The following SDK1 variants were observed in gnomAD, a reference collection of about 807,000 sequenced individuals.
The protein encoded by SDK1 is protein sidekick-1.
SDK1 carries 157 observed loss-of-function variants against 245.5 expected under a neutral mutation model. The ratio of observed to expected loss-of-function variants is 0.64; its 90% confidence interval spans 0.56 to 0.73. The LOEUF (loss-of-function observed/expected upper bound fraction) is 0.73. Ranked by LOEUF, SDK1 falls within the 30% of genes least tolerant of loss-of-function variation. SDK1 has a pLI of 0.00. For synonymous variants in SDK1, 1,647 were observed against 1,278.5 expected, an observed-to-expected ratio of 1.29 and a Z score of -6.15; for missense variants, 3,583 against 3,002.3, an observed-to-expected ratio of 1.19 and a Z score of -4.52.
chr7:3,835,576 A>G (rs1377567565), intron 5 of SDK1, among the ~76,000 whole-genome samples: 2 of 152,080 alleles, frequency 1.3e-5, no homozygotes, highest in African/African-American at 4.8e-5. Context: ...CTATGTTTTC[A>G]GCTCTTACCT....
intron 20 of SDK1, among the ~76,000 whole-genome samples, chr7:4,072,336 C>T (rs538304688): frequency 3.9e-5 from 6 of 152,318 alleles, no homozygotes; most frequent in African/African-American, 1.4e-4. Flanking sequence ...TGTGTGTGGC[C>T]TGTGTGTTTT....
intron 22 of SDK1, among the ~76,000 whole-genome samples, chr7:4,097,266 T>TCAGGAAGGAG (rs753459796): frequency 6.6e-6 from 1 of 151,902 alleles, no homozygotes; most frequent in African/African-American, 2.4e-5. Flanking sequence ...ACAGCTCCTG[T>TCAGGAAGGAG]ACGGCCAGGG....
intron 40 of SDK1, among the ~76,000 whole-genome samples, chr7:4,223,478 C>T (rs1562453043): frequency 6.6e-6 from 1 of 152,200 alleles, no homozygotes; most frequent in Non-Finnish European, 1.5e-5. Flanking sequence ...TTTCCTGTAA[C>T]CTCTCCCCCA....
intron 1 of SDK1, among the ~76,000 whole-genome samples, chr7:3,413,981 A>G (rs1270882213): frequency 6.6e-6 from 1 of 152,184 alleles, no homozygotes; most frequent in African/African-American, 2.4e-5. Context: ...CTAAAAAATA[A>G]AAAGATAACT....
At chr7:3,864,083 G>C (rs1016402039) in intron 5 of SDK1, among the ~76,000 whole-genome samples, 1 of 151,978 alleles carries the variant, frequency 6.6e-6, no homozygotes, top group South Asian at 2.1e-4. Flanking sequence ...TCATATCCTT[G>C]CCAGCACTTA....
At chr7:4,215,800 G>C (rs974318938) in intron 38 of SDK1, among the ~76,000 whole-genome samples, 2 of 152,166 alleles carry the variant, frequency 1.3e-5, no homozygotes, top group African/African-American at 4.8e-5. Context: ...ACAATAGTCA[G>C]AGTTGGGGTC....
chr7:4,073,175 T>A (rs1253853821), intron 20 of SDK1, among the ~76,000 whole-genome samples: 2 of 152,116 alleles, frequency 1.3e-5, no homozygotes, highest in Non-Finnish European at 1.5e-5. Flanking sequence ...CTCTCCTCTC[T>A]CCTCTGGGAG....
Position 4,245,701 on chromosome 7 carries a change from G to A in SDK1, c.6277G>A (p.Gly2093Ser), listed in dbSNP as rs201495708. 1.4e-5 allele frequency: 22 copies of A among 1,613,900 alleles called. No individual in the cohort carries two copies. Among genetic ancestry groups the A allele is most frequent in the East Asian group, 1.1e-4 (5 of 44,856 alleles). Residue 2093 changes from glycine to serine, a missense_variant, in exon 44 of 45, where the codon GGC becomes AGC. Transcript: ENST00000404826. ...TRSPPRPSPG[G>S]LHYSDEDICN... ...GTCCCCACCCCGGCCTAGCCCCGGCGGCCTGCACTACTCAGACGAGGACAT... is the reference window on the plus strand; with the variant it reads ...GTCCCCACCCCGGCCTAGCCCCGGCAGCCTGCACTACTCAGACGAGGACAT...
chr7:3,660,687 C>T (rs1783323582), intron 4 of SDK1, among the ~76,000 whole-genome samples: 1 of 152,220 alleles, frequency 6.6e-6, no homozygotes, highest in African/African-American at 2.4e-5. Flanking sequence ...ACAACCATAG[C>T]AGCACTAGCT....
Position 3,951,839 on chromosome 7 carries a change from A to G in SDK1, c.1069A>G (p.Thr357Ala). Reference protein sequence around the residue: ...LTISNPTSADTGPYVCEAALP... With the variant: ...LTISNPTSADAGPYVCEAALP... ...CATCAGCAACCCGACGTCCGCGGAC[A>G]CCGGGCCATACGTCTGCGAGGCGGC... Residue 357 changes from threonine to alanine, a missense_variant, in exon 7 of 45, where the codon ACC (threonine) becomes GCC (alanine). Coordinates refer to ENST00000404826, the MANE Select transcript of SDK1 (RefSeq NM_152744.4). 2 of 1,613,804 alleles carry G rather than the reference A, an allele frequency of 1.2e-6. No homozygotes were observed. Among genetic ancestry groups the G allele is most frequent in the South Asian group, 1.1e-5 (1 of 91,062 alleles).
chr7:3,764,852 T>C (rs2114993571), intron 4 of SDK1, among the ~76,000 whole-genome samples: 1 of 152,308 alleles, frequency 6.6e-6, no homozygotes. Flanking sequence ...CAGCTGTCTT[T>C]TATTAAGCTA....
chr7:4,125,966 C>T (rs990123318), intron 25 of SDK1, among the ~76,000 whole-genome samples: 1 of 152,204 alleles, frequency 6.6e-6, no homozygotes, highest in Non-Finnish European at 1.5e-5. Flanking sequence ...CAGGCTATTT[C>T]CCTGGGTATC....
At chr7:3,784,257 A>G (rs1399563799) in intron 4 of SDK1, among the ~76,000 whole-genome samples, 2 of 152,036 alleles carry the variant, frequency 1.3e-5, no homozygotes, top group African/African-American at 2.4e-5. Context: ...TGCCAAGAAT[A>G]TGCAATAAGA....
chr7:3,608,670 G>C (rs1178324922), intron 1 of SDK1, among the ~76,000 whole-genome samples: 1 of 152,202 alleles, frequency 6.6e-6, no homozygotes, highest in Non-Finnish European at 1.5e-5. Context: ...TGGAAGGTCT[G>C]CATCACTCAG....
chr7:3,884,210 C>T (rs1781283279), intron 5 of SDK1, among the ~76,000 whole-genome samples: 1 of 151,926 alleles, frequency 6.6e-6, no homozygotes, highest in Non-Finnish European at 1.5e-5. Context: ...CCTCCGAAAG[C>T]ATGGGGATTA....
rs139897835 is a variant in SDK1, at chr7:3,393,849, T to C, written c.298+91965T>C. Among the ~76,000 whole-genome samples the C allele has an allele frequency of 4.5e-3, 680 of 152,310 alleles. 8 individuals are homozygous for C. The highest frequency in any genetic ancestry group is 0.015 in the African/African-American group (642 of 41,576). On this transcript the variant is annotated intron_variant, in intron 1 of 44. Coordinates refer to ENST00000404826, the MANE Select transcript of SDK1 (RefSeq NM_152744.4). ...TTAAGGATTGTTCACTGTTGTCTTA[T>C]TTAGTTCAGTTTGTGAGGTCGTGTT... is the stretch of plus-strand genomic sequence containing the variant.
chr7:3,454,423 T>TGC (rs1215317986), intron 1 of SDK1, among the ~76,000 whole-genome samples: 27 of 150,154 alleles, frequency 1.8e-4, no homozygotes, highest in African/African-American at 5.7e-4. Context: ...TGTGTGTGTG[T>TGC]GCTGTGTACA....
At chr7:4,042,771 C>T (rs1362038609) in intron 17 of SDK1, among the ~76,000 whole-genome samples, 4 of 152,184 alleles carry the variant, frequency 2.6e-5, no homozygotes, top group Non-Finnish European at 5.9e-5. Context: ...GTTATGTAAC[C>T]CTCAATAATT....
intron 17 of SDK1, among the ~76,000 whole-genome samples, chr7:4,024,941 C>T (rs899739134): frequency 3.3e-5 from 5 of 152,084 alleles, no homozygotes; most frequent in African/African-American, 9.7e-5. Flanking sequence ...CTCACTCTGC[C>T]GCCGTAGAGG....
Sources: allele counts gnomAD v4.1 joint callset (sites outside exome capture counted in the v4.1 genomes callset), GRCh38; gene constraint gnomAD v4.1.1; transcripts MANE v1.5; gene names NCBI Gene and HGNC (gene_info 2026-07-23, HGNC 2026-07-21).